MORC1: variants seen among roughly 807,000 people sequenced by gnomAD.
The protein encoded by MORC1 is MORC family CW-type zinc finger 1.
In MORC1, 59 loss-of-function variants were observed where a neutral mutation model predicts 134.9. The ratio of observed to expected loss-of-function variants is 0.44; its 90% CI spans 0.35 to 0.54. The LOEUF (loss-of-function observed/expected upper bound fraction) is 0.54, where lower values mean the gene tolerates loss of function less well. Among genes scored for constraint, MORC1 ranks in the 20% least tolerant of loss-of-function variants. The pLI, the probability that MORC1 is intolerant of heterozygous loss-of-function variation, is 0.00. For synonymous variants in MORC1, 395 were observed against 391.7 expected (o/e 1.01, Z -0.10); for missense variants, 947 against 1,134.5 (o/e 0.83, Z 2.37).
At chr3:109,001,221 C>G (rs1948397324) in intron 20 of MORC1, among the ~76,000 whole-genome samples, 1 of 152,054 alleles carries the variant, frequency 6.6e-6, no homozygotes, top group Non-Finnish European at 1.5e-5. Flanking sequence ...CAACCTCCAC[C>G]TTCCAGTTTC....
intron 14 of MORC1, among the ~76,000 whole-genome samples, chr3:109,039,118 G>A (rs1032099611): frequency 6.6e-6 from 1 of 152,118 alleles, no homozygotes; most frequent in Non-Finnish European, 1.5e-5. Flanking sequence ...ACTTCACCAT[G>A]TTGGCCAGGT....
intron 23 of MORC1, among the ~76,000 whole-genome samples, chr3:108,981,761 G>A (rs16855087): frequency 0.033 from 5,033 of 152,200 alleles, 267 homozygotes; most frequent in African/African-American, 0.11. Context: ...ACCATCATTA[G>A]TAATGCATTT....
At chr3:109,111,762 C>CT (rs757426948) in intron 2 of MORC1, among the ~76,000 whole-genome samples, 20 of 152,130 alleles carry the variant, frequency 1.3e-4, no homozygotes, top group Non-Finnish European at 2.6e-4. Context: ...CTGAGCGTCT[C>CT]TCCAAAGTTC....
At chr3:108,978,077 C>T (rs1428171182) in intron 24 of MORC1, among the ~76,000 whole-genome samples, 2 of 152,088 alleles carry the variant, frequency 1.3e-5, no homozygotes, top group African/African-American at 4.8e-5. Context: ...TGGGGTTTCA[C>T]CGTGTTAGCC....
chr3:109,024,076 G>A (rs1029497194), intron 17 of MORC1, among the ~76,000 whole-genome samples: 1 of 152,140 alleles, frequency 6.6e-6, no homozygotes, highest in African/African-American at 2.4e-5. Context: ...ATGCACCACA[G>A]GTGACAGATC....
chr3:109,049,187 C>T, intron 14 of MORC1: 1 of 983,086 alleles, frequency 1.0e-6, no homozygotes, highest in Non-Finnish European at 1.2e-6. Flanking sequence ...TTTCTGAGAT[C>T]TTAGAGACTA....
At chr3:109,047,983 T>G (rs951829675) in intron 14 of MORC1, among the ~76,000 whole-genome samples, 1 of 152,196 alleles carries the variant, frequency 6.6e-6, no homozygotes, top group Admixed American at 6.5e-5. Flanking sequence ...CTACCACCTA[T>G]GAAACATCTT....
At chr3:109,033,946 T>A (rs1949308987) in intron 15 of MORC1, among the ~76,000 whole-genome samples, 1 of 152,200 alleles carries the variant, frequency 6.6e-6, no homozygotes, top group African/African-American at 2.4e-5. Flanking sequence ...GTACTGGAGA[T>A]TGGATTCTAA....
chr3:109,091,628 C>A (rs1021235549), intron 8 of MORC1, among the ~76,000 whole-genome samples: 1 of 152,042 alleles, frequency 6.6e-6, no homozygotes, highest in Non-Finnish European at 1.5e-5. Flanking sequence ...GTGATACTAT[C>A]CCTTCTTGGC....
At position 109,118,126 on chromosome 3, in the gene MORC1, C is replaced by T. The variant is rs1951312379; in HGVS notation, c.-67G>A. 4.5e-6 allele frequency: 7 copies of T among 1,544,220 alleles called. No homozygotes were observed. The highest frequency in any genetic ancestry group is 6.2e-6 in the Non-Finnish European group (7 of 1,136,996). On this transcript the variant is annotated 5_prime_UTR_variant, in exon 1 of 28. Transcript: ENST00000232603. ...CCTGACCGGCAGCCGTTCGCCTGCG[C>T]CCGCGCCCACTCCCACGCCCACGCT... is the stretch of plus-strand genomic sequence containing the variant.
chr3:109,043,082 A>G (rs1353259097), intron 14 of MORC1, among the ~76,000 whole-genome samples: 1 of 150,912 alleles, frequency 6.6e-6, no homozygotes. Context: ...TTGAAGAGAA[A>G]TGTGTATACC....
chr3:108,963,651 T>A, intron 26 of MORC1, 43 bp from the exon 27 acceptor site: 1 of 1,284,084 alleles, frequency 7.8e-7, no homozygotes, highest in Non-Finnish European at 1.1e-6. Flanking sequence ...TTTTAAAATA[T>A]TACTTTCCCT....
intron 14 of MORC1, 62 bp from the exon 15 acceptor site, chr3:109,035,530 G>A (rs1418973361): frequency 6.5e-6 from 7 of 1,082,914 alleles, no homozygotes; most frequent in Non-Finnish European, 9.1e-6. Flanking sequence ...AAAACAATTG[G>A]CAAAGGGAAG....
At position 109,051,462 on chromosome 3, in the gene MORC1, T is replaced by C. The variant is rs575422174; in HGVS notation, c.1330+3266A>G. 8.5e-5 allele frequency among the ~76,000 whole-genome samples: 13 copies of C among 152,340 alleles called. No individual in the cohort carries two copies. The East Asian group carries it at 2.5e-3, about 29-fold the overall frequency. On this transcript the variant is annotated intron_variant, in intron 14 of 27. Transcript: ENST00000232603. ...CAAAGACCTTGAAGGTCATTCTCCT[T>C]ACAAATTACTAAAACTACCAATTCT...
intron 21 of MORC1, among the ~76,000 whole-genome samples, chr3:108,991,121 G>C (rs963109729): frequency 1.3e-5 from 2 of 152,218 alleles, no homozygotes; most frequent in Non-Finnish European, 2.9e-5. Context: ...CTAGGGCCTT[G>C]AGGGCCACAG....
chr3:108,996,506 G>T (rs1442664260), intron 21 of MORC1, among the ~76,000 whole-genome samples: 2 of 152,098 alleles, frequency 1.3e-5, no homozygotes, highest in East Asian at 3.9e-4. Context: ...ATTTGGAAAA[G>T]GATTAAGATT....
chr3:109,054,455 C>T (rs561129754), intron 14 of MORC1, among the ~76,000 whole-genome samples: 3 of 152,266 alleles, frequency 2.0e-5, no homozygotes, highest in African/African-American at 7.2e-5. Context: ...TTGGAGCAAT[C>T]TTCTGCTTCC....
chr3:109,031,312 T>TAAAGATCCTATAATTA (rs1241870756), intron 16 of MORC1, among the ~76,000 whole-genome samples: 3 of 152,160 alleles, frequency 2.0e-5, no homozygotes, highest in Non-Finnish European at 4.4e-5. Flanking sequence ...AGAAGATGCA[T>TAAAGATCCTATAATTA]AAAGATCCTA....
rs1190773528 is a variant in MORC1 at position 109,007,073 on chromosome 3, C to T, written c.1723G>A (p.Asp575Asn). 1 of 1,611,594 alleles carries T rather than the reference C, an allele frequency of 6.2e-7. No individual in the cohort carries two copies. The highest frequency in any genetic ancestry group is 8.5e-7 in the Non-Finnish European group (1 of 1,178,896). Residue 575 changes from aspartate (D) to asparagine (N), a missense_variant, in exon 18 of 28, where the codon GAC becomes AAC. Asp to Asn is a conservative substitution (Grantham distance 23). Around this residue, in one of 3 missense-constraint regions of MORC1, gnomAD observed 722 missense variants for 817.0 expected, o/e 0.88. Coordinates refer to ENST00000232603, the MANE Select transcript of MORC1 (RefSeq NM_014429.4). ...CAGGTGGAAGTGACAGTGATTTCGT[C>T]CACTGGTATAAATTGAGGCTTTATG... ...QQPQPQFIPV[D>N]EITVTSTCLT...
Sources: allele counts gnomAD v4.1 joint callset (sites outside exome capture counted in the v4.1 genomes callset), GRCh38; gene constraint gnomAD v4.1.1; regional missense constraint gnomAD v4.1.1; transcripts MANE v1.5; gene names NCBI Gene and HGNC (gene_info 2026-07-23, HGNC 2026-07-21).